The following TP63 variants were observed in gnomAD, a reference collection of about 807,000 sequenced individuals.
TP63 encodes the protein tumor protein 63.
Under a neutral mutation model 82.8 loss-of-function variants are expected in TP63, and 17 were observed. That is an observed-to-expected ratio of 0.21 (90% CI 0.14 to 0.31). The LOEUF (loss-of-function observed/expected upper bound fraction) is 0.31. Ranked by LOEUF, TP63 falls within the 10% of genes least tolerant of loss-of-function variation. The pLI is 1.00. For missense variants in TP63, 648 were observed against 895.3 expected (o/e 0.72, Z 3.52); for synonymous variants, 330 against 321.7 (o/e 1.03, Z -0.28).
the TP63 span, among the ~76,000 whole-genome samples, chr3:189,620,488 G>A: frequency 8.0e-6 from 1 of 125,518 alleles, no homozygotes; most frequent in South Asian, 2.9e-4. Context: ...CCAGTGTGGC[G>A]ACAGAGCAAG....
the TP63 span, among the ~76,000 whole-genome samples, chr3:189,605,645 C>A: frequency 1.6e-4 from 24 of 152,112 alleles, no homozygotes; most frequent in African/African-American, 5.8e-4. Flanking sequence ...CATTAGAGAC[C>A]CTCGATGTTT....
intron 4 of TP63, among the ~76,000 whole-genome samples, chr3:189,862,442 A>G (rs969472473): frequency 3.3e-5 from 5 of 152,134 alleles, no homozygotes; most frequent in Non-Finnish European, 7.4e-5. Flanking sequence ...AGCTTGATTT[A>G]TAGTATATCA....
chr3:189,850,980 A>C (rs1042517657), intron 4 of TP63, among the ~76,000 whole-genome samples: 1 of 152,222 alleles, frequency 6.6e-6, no homozygotes, highest in Non-Finnish European at 1.5e-5. Context: ...GTTGAGATAC[A>C]GTTTTCACAG....
chr3:189,685,090 G>A (rs923253519), intron 1 of TP63, among the ~76,000 whole-genome samples: 3 of 152,122 alleles, frequency 2.0e-5, no homozygotes, highest in African/African-American at 4.8e-5. Flanking sequence ...AGAATGTGGT[G>A]GAAATTCTGA....
chr3:189,782,454 A>G (rs59904006), intron 3 of TP63, among the ~76,000 whole-genome samples: 15,311 of 152,182 alleles, frequency 0.1, 973 homozygotes, highest in East Asian at 0.32. Context: ...ACTGGAATAT[A>G]TAGTTTTAAT....
intron 4 of TP63, among the ~76,000 whole-genome samples, chr3:189,823,403 G>A (rs6777728): frequency 0.5 from 76,601 of 151,932 alleles, 19,487 homozygotes; most frequent in Admixed American, 0.54. Context: ...AGCAGATGGC[G>A]GTTGGTTGGA....
intron 1 of TP63, among the ~76,000 whole-genome samples, chr3:189,669,554 A>C (rs907486002): frequency 6.6e-6 from 1 of 152,078 alleles, no homozygotes; most frequent in Non-Finnish European, 1.5e-5. Context: ...CACACTGTAA[A>C]GTGGGTTTAT....
intron 1 of TP63, among the ~76,000 whole-genome samples, chr3:189,727,109 G>T (rs1719830419): frequency 6.6e-6 from 1 of 152,238 alleles, no homozygotes; most frequent in Non-Finnish European, 1.5e-5. Flanking sequence ...TTATGGTGCA[G>T]ATTCTTCACT....
chr3:189,729,228 C>T (rs1399459506), intron 1 of TP63, among the ~76,000 whole-genome samples: 1 of 152,076 alleles, frequency 6.6e-6, no homozygotes, highest in Non-Finnish European at 1.5e-5. Flanking sequence ...AAGAATGGGC[C>T]ACAAAACATA....
chr3:189,683,402 C>T (rs567368768), intron 1 of TP63, among the ~76,000 whole-genome samples: 4 of 152,178 alleles, frequency 2.6e-5, no homozygotes, highest in Non-Finnish European at 5.9e-5. Flanking sequence ...CACTTTGCTG[C>T]CTTGTGAAGC....
chr3:189,633,130 T>G (rs1342028216), intron 1 of TP63, among the ~76,000 whole-genome samples: 4 of 152,056 alleles, frequency 2.6e-5, no homozygotes, highest in African/African-American at 9.7e-5. Flanking sequence ...GAAACTACTT[T>G]TTATATTACC....
chr3:189,804,921 A>G (rs942849202), intron 3 of TP63, among the ~76,000 whole-genome samples: 1 of 152,190 alleles, frequency 6.6e-6, no homozygotes, highest in Non-Finnish European at 1.5e-5. Flanking sequence ...TAGTAGGCTG[A>G]TTTCTCATCA....
chr3:189,624,663 T>A, the TP63 span, among the ~76,000 whole-genome samples: 1 of 152,208 alleles, frequency 6.6e-6, no homozygotes, highest in Non-Finnish European at 1.5e-5. Flanking sequence ...TAATATGTGG[T>A]GCATTTATAA....
At chr3:189,689,202 G>A (rs750659670) in intron 1 of TP63, among the ~76,000 whole-genome samples, 17 of 131,678 alleles carry the variant, frequency 1.3e-4, no homozygotes, top group African/African-American at 2.0e-4. Context: ...TGCAACCTCC[G>A]TTTCCCAGGT....
At chr3:189,727,427 A>G (rs1301771301) in intron 1 of TP63, among the ~76,000 whole-genome samples, 2 of 152,208 alleles carry the variant, frequency 1.3e-5, no homozygotes, top group African/African-American at 4.8e-5. Flanking sequence ...GTTGTCTGAC[A>G]AAGAGTGAGC....
At chr3:189,848,546 A>T (rs1468906103) in intron 4 of TP63, among the ~76,000 whole-genome samples, 1 of 152,182 alleles carries the variant, frequency 6.6e-6, no homozygotes, top group African/African-American at 2.4e-5. Flanking sequence ...AAAAAATCTT[A>T]GCAAATGTGT....
At chr3:189,730,210 T>G (rs1273038846) in intron 1 of TP63, among the ~76,000 whole-genome samples, 1 of 152,182 alleles carries the variant, frequency 6.6e-6, no homozygotes, top group African/African-American at 2.4e-5. Flanking sequence ...GGGCTCAAGT[T>G]TCCTTGAGCA....
intron 1 of TP63, among the ~76,000 whole-genome samples, chr3:189,696,253 A>G (rs913187011): frequency 6.6e-6 from 1 of 152,028 alleles, no homozygotes; most frequent in African/African-American, 2.4e-5. Context: ...ACTTTATCTT[A>G]TTTATAATTT....
At chr3:189,817,006 G>GGAA (rs1553847217) in intron 4 of TP63, among the ~76,000 whole-genome samples, 1 of 149,396 alleles carries the variant, frequency 6.7e-6, no homozygotes, top group African/African-American at 2.5e-5. Flanking sequence ...TCATGTGGGG[G>GGAA]AAAAAAAAAA....
Sources: allele counts gnomAD v4.1 joint callset (sites outside exome capture counted in the v4.1 genomes callset), GRCh38; gene constraint gnomAD v4.1.1; transcripts MANE v1.5; gene names NCBI Gene and HGNC (gene_info 2026-07-23, HGNC 2026-07-21).